Variants in NFIA observed in about 807,000 individuals in gnomAD.
The protein encoded by NFIA is nuclear factor 1 A-type.
In NFIA, 8 loss-of-function variants were observed where a neutral mutation model predicts 62.8. The observed-to-expected ratio is 0.13, with a 90% confidence interval of 0.07 to 0.23. The LOEUF is 0.23. Ranked by LOEUF, NFIA falls within the 10% of genes least tolerant of loss-of-function variation. The probability of loss-of-function intolerance (pLI) is 1.00; values close to 1 mark genes in which losing one functional copy is unlikely to be tolerated. For synonymous variants in NFIA, 235 were observed against 238.1 expected (o/e 0.99, Z 0.12); for missense variants, 410 against 642.1 (o/e 0.64, Z 3.91).
intron 2 of NFIA, among the ~76,000 whole-genome samples, chr1:61,107,969 A>G (rs1279143203): frequency 2.0e-5 from 3 of 151,572 alleles, no homozygotes; most frequent in African/African-American, 7.2e-5. Context: ...ATATTTGTGT[A>G]TGTCTGTTTT....
At chr1:61,090,805 C>T (rs951834719) in intron 2 of NFIA, among the ~76,000 whole-genome samples, 2 of 152,190 alleles carry the variant, frequency 1.3e-5, no homozygotes, top group Non-Finnish European at 2.9e-5. Context: ...GCAGTAATGG[C>T]TGCTTCTCTG....
At chr1:61,218,692 A>G (rs1653807311) in intron 2 of NFIA, among the ~76,000 whole-genome samples, 2 of 152,318 alleles carry the variant, frequency 1.3e-5, no homozygotes, top group Admixed American at 1.3e-4. Context: ...ACCTTTCCCT[A>G]TTATGTATTC....
intron 2 of NFIA, among the ~76,000 whole-genome samples, chr1:61,092,626 A>G (rs1292649444): frequency 6.6e-6 from 1 of 152,170 alleles, no homozygotes; most frequent in Non-Finnish European, 1.5e-5. Flanking sequence ...ATGAATGCTC[A>G]TTTCAAATTA....
chr1:61,407,139 A>G (rs1665880307), intron 9 of NFIA, among the ~76,000 whole-genome samples: 1 of 152,210 alleles, frequency 6.6e-6, no homozygotes, highest in South Asian at 2.1e-4. Context: ...CTTGAAAGTT[A>G]TATACCTCAT....
intron 2 of NFIA, among the ~76,000 whole-genome samples, chr1:61,111,003 A>G (rs762562077): frequency 5.9e-5 from 9 of 152,128 alleles, no homozygotes; most frequent in Non-Finnish European, 1.2e-4. Context: ...ATCAAAAATT[A>G]AAATAAGTAG....
chr1:61,360,246 CT>C (rs1663212904), intron 6 of NFIA, among the ~76,000 whole-genome samples: 2 of 152,164 alleles, frequency 1.3e-5, no homozygotes, highest in South Asian at 4.1e-4. Context: ...ATTTGAAACC[CT>C]TTCCAATGTC....
intron 2 of NFIA, among the ~76,000 whole-genome samples, chr1:61,217,001 A>AAATTAATT (rs144650207): frequency 6.6e-6 from 1 of 151,448 alleles, no homozygotes; most frequent in Non-Finnish European, 1.5e-5. Flanking sequence ...CTTCATCTCT[A>AAATTAATT]AATTAATTAA....
At chr1:61,454,033 C>T (rs1392795773) in intron 10 of NFIA, among the ~76,000 whole-genome samples, 1 of 152,202 alleles carries the variant, frequency 6.6e-6, no homozygotes, top group Non-Finnish European at 1.5e-5. Flanking sequence ...ATACCAAACT[C>T]CATGTAGCTA....
intron 7 of NFIA, among the ~76,000 whole-genome samples, chr1:61,396,941 G>A (rs559083124): frequency 6.6e-6 from 1 of 151,948 alleles, no homozygotes; most frequent in Non-Finnish European, 1.5e-5. Flanking sequence ...GGTGGAGGTT[G>A]CAGTGAGCCG....
intron 2 of NFIA, among the ~76,000 whole-genome samples, chr1:61,130,145 C>T (rs929996524): frequency 6.6e-6 from 1 of 152,148 alleles, no homozygotes; most frequent in African/African-American, 2.4e-5. Flanking sequence ...GAATGACTTA[C>T]TCAGCAATCA....
At chr1:61,441,726 G>C (rs1024775620) in intron 10 of NFIA, among the ~76,000 whole-genome samples, 10 of 152,110 alleles carry the variant, frequency 6.6e-5, no homozygotes, top group African/African-American at 1.9e-4. Context: ...AATGATTTTA[G>C]TATCCAGTTG....
intron 2 of NFIA, 128 bp from the exon 3 acceptor site, chr1:61,277,392 T>C (rs975979573): frequency 5.0e-6 from 4 of 792,516 alleles, no homozygotes; most frequent in Non-Finnish European, 8.3e-6. Flanking sequence ...TTTTTTCATG[T>C]CTCATGTCAT....
intron 2 of NFIA, among the ~76,000 whole-genome samples, chr1:61,099,168 A>G (rs984988096): frequency 2.0e-5 from 3 of 152,242 alleles, no homozygotes; most frequent in African/African-American, 7.2e-5. Context: ...TAATTCTTCA[A>G]AGAAAGACAT....
chr1:61,412,621 G>C (rs1401172301), intron 9 of NFIA, among the ~76,000 whole-genome samples: 1 of 152,174 alleles, frequency 6.6e-6, no homozygotes, highest in Non-Finnish European at 1.5e-5. Context: ...AGTTCGGTTT[G>C]ACCAAATTAT....
intron 6 of NFIA, among the ~76,000 whole-genome samples, chr1:61,363,382 A>C (rs1663402601): frequency 6.6e-6 from 1 of 152,166 alleles, no homozygotes; most frequent in African/African-American, 2.4e-5. Context: ...AGGTGGACGG[A>C]TCACCTGAGG....
Position 61,133,479 on chromosome 1 carries a change from C to T in NFIA, c.559+44799C>T, listed in dbSNP as rs540182549. ...GAAGGGAACTTACTAGTCTTGTTCACTCTTTGTTTTCCCAGTGTCTAGAAC... is the reference window on the plus strand; with the variant it reads ...GAAGGGAACTTACTAGTCTTGTTCATTCTTTGTTTTCCCAGTGTCTAGAAC... On this transcript the variant is annotated intron_variant, in intron 2 of 10. Transcript: ENST00000403491. Among the ~76,000 whole-genome samples, 4 of 152,290 alleles carry T rather than the reference C, an allele frequency of 2.6e-5. No individual in the cohort carries two copies. In the South Asian group the frequency reaches 8.3e-4, roughly 32 times the overall value.
chr1:61,422,470 C>T (rs1000248875), intron 9 of NFIA, among the ~76,000 whole-genome samples: 2 of 152,036 alleles, frequency 1.3e-5, no homozygotes, highest in East Asian at 1.9e-4. Context: ...TGCCATGGTT[C>T]GTTTTTGCAG....
chr1:61,427,131 G>A (rs1666904908), intron 10 of NFIA, among the ~76,000 whole-genome samples: 1 of 152,152 alleles, frequency 6.6e-6, no homozygotes, highest in Non-Finnish European at 1.5e-5. Flanking sequence ...GTGTGTATGA[G>A]TCATATCTGA....
At chr1:61,452,685 C>G (rs1668109111) in intron 10 of NFIA, among the ~76,000 whole-genome samples, 1 of 152,160 alleles carries the variant, frequency 6.6e-6, no homozygotes, top group African/African-American at 2.4e-5. Flanking sequence ...AGTTTGAAAG[C>G]TTTAACGTTA....
Sources: allele counts gnomAD v4.1 joint callset (sites outside exome capture counted in the v4.1 genomes callset), GRCh38; gene constraint gnomAD v4.1.1; transcripts MANE v1.5; gene names NCBI Gene and HGNC (gene_info 2026-07-23, HGNC 2026-07-21).